The following DDX39A variants were observed in gnomAD, a reference collection of about 807,000 sequenced individuals.
The protein encoded by DDX39A is ATP-dependent RNA helicase DDX39A.
Under a neutral mutation model 46.3 loss-of-function variants are expected in DDX39A, and 13 were observed. That is an observed-to-expected ratio of 0.28 (90% confidence interval 0.18 to 0.45). The LOEUF is 0.45. DDX39A is among the 20% of genes least tolerant of loss of function. The pLI is 1.00. For synonymous variants in DDX39A, 234 were observed against 224.6 expected, an observed-to-expected ratio of 1.04 and a Z score of -0.38; for missense variants, 352 against 581.8, an observed-to-expected ratio of 0.61 and a Z score of 4.06.
chr19:14,414,128 A>G (rs895760382), intron 1 of DDX39A: 9 of 151,970 alleles, frequency 5.9e-5, no homozygotes, highest in African/African-American at 1.9e-4. Flanking sequence ...ATTCTTCCTG[A>G]GGCTGGATGC....
chr19:14,409,235 G>C lies in DDX39A; in HGVS notation c.1120-51C>G, dbSNP rs1460623770. On this transcript the variant is annotated intron_variant, in intron 9 of 10. Transcript: ENST00000242776. This position sits in a 1 kb window ranked among gnomAD's most constrained non-coding sequence, Gnocchi z 8.3. ...GGCCACAGATACTACCTCAGGACTT[G>C]AGGAAAAGCAGGGCTGGGGCCCCAC... 1.2e-6 allele frequency: 2 copies of C among 1,612,980 alleles called. No individual in the cohort carries two copies. The highest frequency in any genetic ancestry group is 1.7e-6 in the Non-Finnish European group (2 of 1,179,062).
rs184056763 is a variant in DDX39A, at chr19:14,412,160, C to A, written c.336+391G>T. ...GACAATGGGAGAAGACAGCCAGGGCCTAACAGCAAGGACAGTGGTGACAGC... is the reference window on the plus strand; with the variant it reads ...GACAATGGGAGAAGACAGCCAGGGCATAACAGCAAGGACAGTGGTGACAGC... On this transcript the variant is annotated intron_variant, in intron 3 of 10. Coordinates refer to ENST00000242776, the MANE Select transcript of DDX39A (RefSeq NM_005804.4). This position sits in a 1 kb window ranked among gnomAD's most constrained non-coding sequence, Gnocchi z 4.4. Among the ~76,000 whole-genome samples, 24 of 152,320 alleles carry A rather than the reference C, an allele frequency of 1.6e-4. No individual in the cohort carries two copies. Among genetic ancestry groups the A allele is most frequent in the Non-Finnish European group, 2.4e-4 (16 of 68,024 alleles).
rs1460435823 is a variant in DDX39A at position 14,413,252 on chromosome 19, CGAG to C, written c.-4-31_-4-29del. ...GAGAAGAGAGAGAGGCAGGGTCCCGCGAGTGGGCACAGAAGGATGATGAAGCTT... is the reference window on the plus strand; with the variant it reads ...GAGAAGAGAGAGAGGCAGGGTCCCGCTGGGCACAGAAGGATGATGAAGCTT... On this transcript the variant is annotated intron_variant, in intron 1 of 10. Coordinates refer to ENST00000242776, the MANE Select transcript of DDX39A (RefSeq NM_005804.4). The C allele has an allele frequency of 1.9e-6, 3 of 1,592,460 alleles. No individual in the cohort carries two copies. The East Asian group carries it at 6.7e-5, about 36-fold the overall frequency.
rs60701169 is a variant in DDX39A, at chr19:14,418,120, CAAAAAAAA to C, written c.-5+1142_-5+1149del. Among the ~76,000 whole-genome samples, 9 of 52,348 alleles carry C rather than the reference CAAAAAAAA, an allele frequency of 1.7e-4. No homozygotes were observed. The East Asian group carries it at 1.9e-3, about 11-fold the overall frequency. The allele number at this position is 52,348 out of a possible 152,430, so 34.3% of individuals were successfully genotyped here. ...TGGGCGACAGAGCAAGGCTCTGTCT[CAAAAAAAA>C]AAAAAAAAAAAAAAAAAGAGAGAGA... On this transcript the variant is annotated intron_variant, in intron 1 of 10. Coordinates refer to ENST00000242776, the MANE Select transcript of DDX39A (RefSeq NM_005804.4).
At position 14,412,983 on chromosome 19, in the gene DDX39A, G is replaced by T; in HGVS notation, c.208+30C>A. On this transcript the variant is annotated intron_variant, in intron 2 of 10. Coordinates refer to ENST00000242776, the MANE Select transcript of DDX39A (RefSeq NM_005804.4). This position sits in a 1 kb window ranked among gnomAD's most constrained non-coding sequence, Gnocchi z 4.4. ...GCTGGTCTTGTCTTGGTGAGGACCT[G>T]GGCAAGAGGATAACACCCAGAAGGC... is the stretch of plus-strand genomic sequence containing the variant. 1 of 1,605,126 alleles carries T rather than the reference G, an allele frequency of 6.2e-7. No individual in the cohort carries two copies. The highest frequency in any genetic ancestry group is 8.5e-7 in the Non-Finnish European group (1 of 1,174,352).
rs1265579824 is a variant in DDX39A, at chr19:14,413,205, C to T, written c.16G>A (p.Val6Met). ...TCGTAATCCAAAAGATCGTTTTCCA[C>T]ATCCTGTTCTGCCATGATGCTGAGA... is the stretch of plus-strand genomic sequence containing the variant. The part of the protein sequence containing the change: MAEQD[V>M]ENDLLDYDEE... Residue 6 changes from valine to methionine, a missense_variant, in exon 2 of 11, where the codon GTG becomes ATG. Val to Met is a conservative substitution (Grantham distance 21, BLOSUM62 1). This residue lies in a region of DDX39A where 46 missense variants were observed against 78.2 expected (regional missense o/e 0.59). Coordinates refer to ENST00000242776, the MANE Select transcript of DDX39A (RefSeq NM_005804.4). The T allele has an allele frequency of 1.2e-6, 2 of 1,613,990 alleles. No homozygotes were observed. Among genetic ancestry groups the T allele is most frequent in the Non-Finnish European group, 1.7e-6 (2 of 1,179,952 alleles).
Position 14,410,207 on chromosome 19 carries a change from C to T in DDX39A, c.732+9G>A. The T allele has an allele frequency of 6.2e-7, 1 of 1,613,296 alleles. No homozygotes were observed. Among genetic ancestry groups the T allele is most frequent in the Non-Finnish European group, 8.5e-7 (1 of 1,179,366 alleles). ...GGAAGGCCAAAGCTGCCACTCTCGC[C>T]CTACTCACATCCTGCATGAACTTCC... On this transcript the variant is annotated intron_variant, in intron 6 of 10. Transcript: ENST00000242776. This position sits in a 1 kb window ranked among gnomAD's most constrained non-coding sequence, Gnocchi z 4.3.
At chr19:14,414,347 TTA>T (rs1249229708) in intron 1 of DDX39A, among the ~76,000 whole-genome samples, 5 of 140,976 alleles carry the variant, frequency 3.5e-5, no homozygotes, top group Non-Finnish European at 8.0e-5. Flanking sequence ...ATTATTATTA[TTA>T]TTATTATTAT....
chr19:14,416,812 T>G (rs567256955), intron 1 of DDX39A, among the ~76,000 whole-genome samples: 1 of 152,210 alleles, frequency 6.6e-6, no homozygotes, highest in East Asian at 1.9e-4. Context: ...CAGCTTCCTG[T>G]GTAGCTGGGA....
At chr19:14,418,909 G>GC (rs1171318220) in intron 1 of DDX39A, 1 of 456,054 alleles carries the variant, frequency 2.2e-6, no homozygotes, top group South Asian at 1.5e-5. Context: ...TCCCACCCAG[G>GC]CCCCAGACCC....
At chr19:14,417,441 C>T (rs1039710164) in intron 1 of DDX39A, among the ~76,000 whole-genome samples, 1 of 132,146 alleles carries the variant, frequency 7.6e-6, no homozygotes, top group Admixed American at 9.6e-5. Context: ...GACAATAAGT[C>T]GAGACCGCGT....
In DDX39A at chr19:14,410,794, C is replaced by A; in HGVS notation, c.613+195G>T. ...TACGTCCAGGAGGGACGGGGGCTTGCTTGGGCCCCGTGGTCCCATTCGGCT... is the reference window on the plus strand; with the variant it reads ...TACGTCCAGGAGGGACGGGGGCTTGATTGGGCCCCGTGGTCCCATTCGGCT... On this transcript the variant is annotated intron_variant, in intron 5 of 10. Coordinates refer to ENST00000242776, the MANE Select transcript of DDX39A (RefSeq NM_005804.4). This position sits in a 1 kb window ranked among gnomAD's most constrained non-coding sequence, Gnocchi z 4.3. 1 of 567,108 alleles carries A rather than the reference C, an allele frequency of 1.8e-6. No homozygotes were observed. Among genetic ancestry groups the A allele is most frequent in the Non-Finnish European group, 3.1e-6 (1 of 325,808 alleles). The allele number at this position is 567,108 out of a possible 1,614,324, so 35.1% of individuals were successfully genotyped here.
Position 14,412,204 on chromosome 19 carries a change from A to G in DDX39A, c.336+347T>C, listed in dbSNP as rs1976619197. Among the ~76,000 whole-genome samples the G allele has an allele frequency of 2.0e-5, 3 of 152,224 alleles. No individual in the cohort carries two copies. Among genetic ancestry groups the G allele is most frequent in the Admixed American group, 2.0e-4 (3 of 15,274 alleles). ...TGACAGCTATATTCGGGGCAACCCA[A>G]CCTTCACAGATGGACACTCTCTAGG... On this transcript the variant is annotated intron_variant, in intron 3 of 10. Transcript: ENST00000242776. The surrounding 1 kb of genome is among the most constrained non-coding windows in gnomAD (Gnocchi z 4.4).
chr19:14,411,125 C>T lies in DDX39A; in HGVS notation c.477G>A (p.Val159=). 1 of 1,607,642 alleles carries T rather than the reference C, an allele frequency of 6.2e-7. No individual in the cohort carries two copies. The change falls in exon 5 of 11, where the codon GTG becomes GTA. Residue 159 remains valine, a synonymous_variant. Coordinates refer to ENST00000242776, the MANE Select transcript of DDX39A (RefSeq NM_005804.4). The surrounding 1 kb of genome is among the most constrained non-coding windows in gnomAD (Gnocchi z 4.1). ...CGACATGGGGACAGTTCTTCTTCAA[C>T]ACTTCTTCATCCTTCTTGATGGAGA... ...GGLSIKKDEE[V]LKKNCPHVVV...
Position 14,410,452 on chromosome 19 carries a change from G to A in DDX39A, c.614-118C>T, listed in dbSNP as rs377106988. On this transcript the variant is annotated intron_variant, in intron 5 of 10. Transcript: ENST00000242776. This position sits in a 1 kb window ranked among gnomAD's most constrained non-coding sequence, Gnocchi z 4.3. ...CAGGGAGCCAGTGGCACCGTGACGA[G>A]GGCAGAGTGAGCCGCGGGAGTGGCC... 7.8e-6 allele frequency: 7 copies of A among 898,932 alleles called. No individual in the cohort carries two copies. The highest frequency in any genetic ancestry group is 7.1e-5 in the South Asian group (5 of 70,260). 55.7% of individuals were successfully genotyped at this position (898,932 alleles called of 1,614,324 possible).
Position 14,419,329 on chromosome 19 carries a change from C to T in DDX39A, c.-64G>A. ...GACACTTCCAACTTCGGTTTTCCGCCGGGCGCTCAGACACGAGTTGCTGCG... is the reference window on the plus strand; with the variant it reads ...GACACTTCCAACTTCGGTTTTCCGCTGGGCGCTCAGACACGAGTTGCTGCG... On this transcript the variant is annotated 5_prime_UTR_variant, in exon 1 of 11. Coordinates refer to ENST00000242776, the MANE Select transcript of DDX39A (RefSeq NM_005804.4). The T allele has an allele frequency of 9.0e-6, 2 of 222,402 alleles. No homozygotes were observed. The highest frequency in any genetic ancestry group is 5.7e-5 in the Admixed American group (1 of 17,594). The allele number at this position is 222,402 out of a possible 1,614,324, so 13.8% of individuals were successfully genotyped here. A position where few individuals can be genotyped will look rare whatever the true frequency, so the allele number is the denominator to read the frequency against.
rs369602896 is a variant in DDX39A, at chr19:14,408,958, A to G, written c.1268-6T>C. ...TGGTTACCGGCTCTGCTCGACTGTAAGACATGAGATGCAGTGAACTGAAGG... is the reference window on the plus strand; with the variant it reads ...TGGTTACCGGCTCTGCTCGACTGTAGGACATGAGATGCAGTGAACTGAAGG... On this transcript the variant is annotated splice_region_variant and splice_polypyrimidine_tract_variant and intron_variant, in intron 10 of 10. Coordinates refer to ENST00000242776, the MANE Select transcript of DDX39A (RefSeq NM_005804.4). The G allele has an allele frequency of 6.2e-7, 1 of 1,604,986 alleles. No individual in the cohort carries two copies. The highest frequency in any genetic ancestry group is 8.5e-7 in the Non-Finnish European group (1 of 1,173,558).
Position 14,410,621 on chromosome 19 carries a change from C to T in DDX39A, c.614-287G>A. 1 of 526,380 alleles carries T rather than the reference C, an allele frequency of 1.9e-6. No individual in the cohort carries two copies. The highest frequency in any genetic ancestry group is 3.5e-6 in the Non-Finnish European group (1 of 288,366). The allele number at this position is 526,380 out of a possible 1,614,324, so 32.6% of individuals were successfully genotyped here. ...GGAGGGGAGCCTGAGGCAGAGACAG[C>T]CGCTGGGGTGAGAGCTGCAGCTGCC... On this transcript the variant is annotated intron_variant, in intron 5 of 10. Coordinates refer to ENST00000242776, the MANE Select transcript of DDX39A (RefSeq NM_005804.4). The surrounding 1 kb of genome is among the most constrained non-coding windows in gnomAD (Gnocchi z 4.3).
Position 14,409,928 on chromosome 19 carries a change from C to T in DDX39A, c.733-55G>A, listed in dbSNP as rs1976498518. On this transcript the variant is annotated intron_variant, in intron 6 of 10. Transcript: ENST00000242776. The surrounding 1 kb of genome is among the most constrained non-coding windows in gnomAD (Gnocchi z 8.3). ...GCAGGGATCACCTCTGGGCATCTCG[C>T]CTGCCCAGAACCTTCCAGTGGGCGA... The T allele has an allele frequency of 6.2e-7, 1 of 1,606,166 alleles. No homozygotes were observed. Among genetic ancestry groups the T allele is most frequent in the Non-Finnish European group, 8.5e-7 (1 of 1,177,170 alleles).
Sources: allele counts gnomAD v4.1 joint callset (sites outside exome capture counted in the v4.1 genomes callset), GRCh38; gene constraint gnomAD v4.1.1; regional missense constraint gnomAD v4.1.1; non-coding constraint Gnocchi (gnomAD v3.1); transcripts MANE v1.5; gene names NCBI Gene and HGNC (gene_info 2026-07-23, HGNC 2026-07-21).